GRIN2A: variants seen among roughly 807,000 people sequenced by gnomAD.
GRIN2A encodes the protein glutamate receptor ionotropic, NMDA 2A.
GRIN2A carries 22 observed loss-of-function variants against 113.4 expected under a neutral mutation model. The observed-to-expected ratio is 0.19, with a 90% CI of 0.14 to 0.28. GRIN2A has a LOEUF of 0.28. Ranked by LOEUF, GRIN2A falls within the 10% of genes least tolerant of loss-of-function variation. GRIN2A has a pLI of 1.00. For synonymous variants in GRIN2A, 827 were observed against 738.4 expected (o/e 1.12, Z -1.94); for missense variants, 1,502 against 1,887.0 (o/e 0.80, Z 3.78).
chr16:9,931,726 C>T (rs1408226164), intron 3 of GRIN2A, among the ~76,000 whole-genome samples: 1 of 152,170 alleles, frequency 6.6e-6, no homozygotes, highest in Non-Finnish European at 1.5e-5. Context: ...ATAAGAAACA[C>T]ATATATGCAT....
At chr16:10,111,839 A>G (rs2048620995) in intron 2 of GRIN2A, 2 of 1,134,642 alleles carry the variant, frequency 1.8e-6, no homozygotes, top group Admixed American at 3.6e-5. Context: ...ATGGGGAGCA[A>G]GTTGGTGGGC....
chr16:10,122,586 C>T (rs753550637), intron 2 of GRIN2A, among the ~76,000 whole-genome samples: 1 of 152,064 alleles, frequency 6.6e-6, no homozygotes, highest in South Asian at 2.1e-4. Flanking sequence ...TCCTAAAAGG[C>T]TCTTTTTGTC....
At chr16:10,009,937 A>G (rs1031254896) in intron 2 of GRIN2A, among the ~76,000 whole-genome samples, 1 of 152,222 alleles carries the variant, frequency 6.6e-6, no homozygotes, top group East Asian at 1.9e-4. Context: ...CAAATGCACA[A>G]TGAAACTGGA....
chr16:9,878,127 A>T (rs907114380), intron 4 of GRIN2A, among the ~76,000 whole-genome samples: 2 of 152,146 alleles, frequency 1.3e-5, no homozygotes, highest in African/African-American at 4.8e-5. Context: ...TCTTACATTT[A>T]TACCACCTGT....
chr16:9,920,656 C>T (rs2044341764), intron 3 of GRIN2A, among the ~76,000 whole-genome samples: 1 of 151,460 alleles, frequency 6.6e-6, no homozygotes, highest in South Asian at 2.1e-4. Flanking sequence ...AACCTCGCCT[C>T]CCAGGTTCAA....
intron 2 of GRIN2A, among the ~76,000 whole-genome samples, chr16:10,089,740 G>A (rs780972695): frequency 6.6e-6 from 1 of 152,046 alleles, no homozygotes; most frequent in African/African-American, 2.4e-5. Context: ...AGGTCTAAAC[G>A]GGAAACTATA....
chr16:9,938,558 G>A lies in GRIN2A; in HGVS notation c.415-7C>T. The stretch of plus-strand genomic sequence containing the variant: ...AGAAGGTAGACGTCGGATCCTGCCA[G>A]TGAAAAGAAAGTAAAACAGAGGATG... On this transcript the variant is annotated splice_polypyrimidine_tract_variant and splice_region_variant and intron_variant, in intron 2 of 12. Coordinates refer to ENST00000330684, the MANE Select transcript of GRIN2A (RefSeq NM_001134407.3). 6.3e-7 allele frequency: 1 copy of A among 1,598,526 alleles called. No homozygotes were observed. The highest frequency in any genetic ancestry group is 8.5e-7 in the Non-Finnish European group (1 of 1,177,258).
intron 4 of GRIN2A, among the ~76,000 whole-genome samples, chr16:9,870,379 T>C (rs1285786450): frequency 6.6e-6 from 1 of 150,408 alleles, no homozygotes; most frequent in African/African-American, 2.4e-5. Context: ...TGAAAAGAAA[T>C]AGAAAAAAAA....
At chr16:9,976,359 A>T (rs976154612) in intron 2 of GRIN2A, among the ~76,000 whole-genome samples, 1 of 152,188 alleles carries the variant, frequency 6.6e-6, no homozygotes, top group Non-Finnish European at 1.5e-5. Flanking sequence ...TATGTAACCT[A>T]ACTCTCTCAC....
intron 2 of GRIN2A, among the ~76,000 whole-genome samples, chr16:9,973,223 A>G (rs759876810): frequency 3.9e-5 from 6 of 152,242 alleles, no homozygotes; most frequent in Non-Finnish European, 8.8e-5. Flanking sequence ...CTCCTAAACC[A>G]TAATTTCTCA....
intron 4 of GRIN2A, among the ~76,000 whole-genome samples, chr16:9,872,669 T>G (rs567051780): frequency 9.5e-4 from 145 of 152,252 alleles, no homozygotes; most frequent in Middle Eastern, 3.4e-3. Flanking sequence ...TCACGTCTTT[T>G]GCAGCAACAT....
chr16:10,039,147 A>G (rs1393913196), intron 2 of GRIN2A, among the ~76,000 whole-genome samples: 1 of 148,010 alleles, frequency 6.8e-6, no homozygotes, highest in Non-Finnish European at 1.5e-5. Flanking sequence ...CAATGTCCCC[A>G]CTGATGTCTG....
At chr16:10,029,663 C>T (rs915625041) in intron 2 of GRIN2A, among the ~76,000 whole-genome samples, 2 of 152,168 alleles carry the variant, frequency 1.3e-5, no homozygotes, top group Non-Finnish European at 2.9e-5. Context: ...CTTATTCATG[C>T]AGGGGCTTCT....
chr16:10,006,226 G>A (rs568021617), intron 2 of GRIN2A, among the ~76,000 whole-genome samples: 7 of 152,268 alleles, frequency 4.6e-5, no homozygotes, highest in African/African-American at 7.2e-5. Flanking sequence ...CAATGAAATC[G>A]TCTCAGGCAA....
rs796052553 is a variant in GRIN2A at position 9,764,849 on chromosome 16, G to A, written c.2695C>T (p.Arg899Trp). The A allele has an allele frequency of 5.0e-6, 8 of 1,614,046 alleles. No homozygotes were observed. The highest frequency in any genetic ancestry group is 1.6e-4 in the Middle Eastern group (1 of 6,082). The change falls in exon 13 of 13, where the codon CGG becomes TGG. Residue 899 changes from arginine to tryptophan, a missense_variant. Around this residue, in one of 7 missense-constraint regions of GRIN2A, gnomAD observed 832 missense variants for 789.7 expected, o/e 1.05. Transcript: ENST00000330684. ...ATGCTGGAAATGTTTTTGGCTGACC[G>A]GAGGAGTTTTAACATGTTGCTCTGG... The part of the protein sequence containing the change: ...GSQSNMLKLL[R>W]SAKNISSMSN...
At chr16:9,905,705 T>G (rs74008872) in intron 3 of GRIN2A, among the ~76,000 whole-genome samples, 1,902 of 152,266 alleles carry the variant, frequency 0.012, 37 homozygotes, top group African/African-American at 0.043. Context: ...TCCTCCCTTA[T>G]GTATATCAGA....
At chr16:9,941,430 G>A (rs1341301730) in intron 2 of GRIN2A, among the ~76,000 whole-genome samples, 1 of 152,242 alleles carries the variant, frequency 6.6e-6, no homozygotes, top group Non-Finnish European at 1.5e-5. Flanking sequence ...TAATTGGAGG[G>A]ACAGCAGTTA....
intron 3 of GRIN2A, among the ~76,000 whole-genome samples, chr16:9,933,101 G>C (rs1368309070): frequency 6.6e-6 from 1 of 152,212 alleles, no homozygotes; most frequent in East Asian, 1.9e-4. Flanking sequence ...GTAGCAAGGA[G>C]GTTATATAAC....
chr16:10,044,007 G>GTGTGTATATATATATATA (rs1555469968), intron 2 of GRIN2A, among the ~76,000 whole-genome samples: 52 of 116,888 alleles, frequency 4.4e-4, no homozygotes, highest in African/African-American at 1.7e-3. Flanking sequence ...GTGTGTGTGT[G>GTGTGTATATATATATATA]TATATATATA....
Sources: gnomAD v4.1 joint callset for allele counts (sites outside exome capture counted in the v4.1 genomes callset) on GRCh38, gnomAD v4.1.1 for gene constraint, gnomAD v4.1.1 regional missense constraint, MANE v1.5 for transcripts, NCBI Gene and HGNC (gene_info 2026-07-23, HGNC 2026-07-21) for gene names.